Variants in KMT2E observed in about 807,000 individuals in gnomAD.
KMT2E encodes lysine methyltransferase 2E (inactive), also known as histone reader KMT2E.
KMT2E carries 30 observed loss-of-function variants against 184.6 expected under a neutral mutation model. That is an observed-to-expected ratio of 0.16 (90% CI 0.12 to 0.22). KMT2E has a LOEUF of 0.22. Ranked by LOEUF, KMT2E falls within the 10% of genes least tolerant of loss-of-function variation. The pLI is 1.00. For synonymous variants in KMT2E, 815 were observed against 776.5 expected, an observed-to-expected ratio of 1.05 and a Z score of -0.82; for missense variants, 2,023 against 2,237.4, an observed-to-expected ratio of 0.90 and a Z score of 1.93.
intron 3 of KMT2E, among the ~76,000 whole-genome samples, chr7:105,047,157 A>G (rs1796141348): frequency 6.6e-6 from 1 of 152,130 alleles, no homozygotes; most frequent in Non-Finnish European, 1.5e-5. Context: ...AAGGAAGCTC[A>G]TTAGAGACTG....
intron 1 of KMT2E, among the ~76,000 whole-genome samples, chr7:105,022,675 C>T (rs1229612770): frequency 1.3e-5 from 2 of 152,004 alleles, no homozygotes; most frequent in African/African-American, 4.8e-5. Flanking sequence ...TGATTCTTGC[C>T]TAAATAAAGT....
intron 6 of KMT2E, among the ~76,000 whole-genome samples, chr7:105,067,452 C>G (rs775825838): frequency 6.6e-6 from 1 of 151,852 alleles, no homozygotes; most frequent in Non-Finnish European, 1.5e-5. Flanking sequence ...TTCAAACTTA[C>G]GTAAAAATAA....
At chr7:105,038,762 G>A (rs976877176) in intron 2 of KMT2E, among the ~76,000 whole-genome samples, 1 of 152,098 alleles carries the variant, frequency 6.6e-6, no homozygotes, top group East Asian at 1.9e-4. Context: ...TGACCCTAAC[G>A]AATTCATCAT....
intron 6 of KMT2E, among the ~76,000 whole-genome samples, chr7:105,072,211 G>T (rs1584759220): frequency 6.6e-6 from 1 of 152,056 alleles, no homozygotes; most frequent in African/African-American, 2.4e-5. Flanking sequence ...CCAGCTACTT[G>T]GGAGGCTTAG....
At chr7:105,063,765 GT>G in intron 5 of KMT2E, 185 bp downstream of exon 5, 2 of 562,402 alleles carry the variant, frequency 3.6e-6, no homozygotes, top group Non-Finnish European at 6.2e-6. Flanking sequence ...AGAAATCCCT[GT>G]TGTTAACTGA....
intron 22 of KMT2E, 69 bp downstream of exon 22, chr7:105,107,994 A>G: frequency 4.7e-6 from 5 of 1,069,654 alleles, no homozygotes; most frequent in African/African-American, 1.6e-5. Context: ...TACTGAGGGG[A>G]ATTGTTAGAT....
chr7:105,062,686 ATATAT>A (rs1278869858), intron 4 of KMT2E, among the ~76,000 whole-genome samples: 1 of 151,896 alleles, frequency 6.6e-6, no homozygotes, highest in Non-Finnish European at 1.5e-5. Context: ...TGTGTCAGAC[ATATAT>A]TATTTAATCA....
intron 3 of KMT2E, among the ~76,000 whole-genome samples, chr7:105,047,466 A>G (rs1178643921): frequency 1.3e-5 from 2 of 152,228 alleles, no homozygotes; most frequent in African/African-American, 4.8e-5. Context: ...AACTATATGA[A>G]TGCCATTTTT....
At chr7:105,073,826 G>T in intron 7 of KMT2E, 149 bp downstream of exon 7, 2 of 493,834 alleles carry the variant, frequency 4.0e-6, no homozygotes, top group Non-Finnish European at 3.7e-6. Flanking sequence ...TGCAATCTCT[G>T]GTATAGATTT....
At chr7:105,044,213 G>A (rs1006526124) in intron 3 of KMT2E, among the ~76,000 whole-genome samples, 2 of 152,152 alleles carry the variant, frequency 1.3e-5, no homozygotes, top group Non-Finnish European at 2.9e-5. Flanking sequence ...CCAGAATTTA[G>A]GCTTTGGGTA....
At chr7:105,084,678 G>A (rs1416799141) in intron 13 of KMT2E, among the ~76,000 whole-genome samples, 1 of 151,466 alleles carries the variant, frequency 6.6e-6, no homozygotes, top group African/African-American at 2.4e-5. Context: ...AAGAATTCAT[G>A]AGAACCACAA....
At chr7:105,047,794 T>C (rs1353286348) in intron 3 of KMT2E, among the ~76,000 whole-genome samples, 1 of 152,214 alleles carries the variant, frequency 6.6e-6, no homozygotes, top group Non-Finnish European at 1.5e-5. Context: ...TGGCTGAATT[T>C]ATGACTACCT....
chr7:105,039,113 T>C (rs1795782718), intron 2 of KMT2E: 1 of 152,236 alleles, frequency 6.6e-6, no homozygotes. Context: ...AGCTGCAGTT[T>C]CATCTCAAGT....
At chr7:105,070,990 T>C (rs1164023222) in intron 6 of KMT2E, among the ~76,000 whole-genome samples, 1 of 152,170 alleles carries the variant, frequency 6.6e-6, no homozygotes, top group East Asian at 1.9e-4. Flanking sequence ...GGTAGACAAA[T>C]ATATAAAGCA....
intron 3 of KMT2E, among the ~76,000 whole-genome samples, chr7:105,054,450 G>GTCTGTCTA (rs545138951): frequency 0.02 from 1,327 of 66,762 alleles, 22 homozygotes; most frequent in African/African-American, 0.059. Context: ...AAGTTGCTCT[G>GTCTGTCTA]TCTGTCTGTC....
intron 3 of KMT2E, among the ~76,000 whole-genome samples, chr7:105,047,271 T>C (rs975790499): frequency 7.2e-5 from 11 of 152,260 alleles, no homozygotes; most frequent in African/African-American, 9.6e-5. Context: ...ATAAACCATA[T>C]TGTTTGTATA....
At chr7:105,059,933 A>G (rs1166777977) in intron 3 of KMT2E, among the ~76,000 whole-genome samples, 1 of 145,950 alleles carries the variant, frequency 6.9e-6, no homozygotes, top group Non-Finnish European at 1.5e-5. Flanking sequence ...ATAATTCTTA[A>G]TGTAACAGCA....
chr7:105,109,212 G>T lies in KMT2E; in HGVS notation c.3739G>T (p.Glu1247Ter). 6.2e-7 allele frequency: 1 copy of T among 1,613,744 alleles called. No individual in the cohort carries two copies. The highest frequency in any genetic ancestry group is 1.1e-5 in the South Asian group (1 of 91,002). Residue 1247 changes from glutamate (E) to a stop codon, truncating the protein, a stop_gained, in exon 23 of 27, where the codon GAA becomes TAA. Coordinates refer to ENST00000311117, the MANE Select transcript of KMT2E (RefSeq NM_182931.3). LOFTEE classifies it high-confidence loss of function. ...VKDATASEKN[E>*]PEVQWTASTS... ...GGATGCTACTGCTAGTGAGAAGAAT[G>T]AACCAGAAGTTCAATGGTAAGCCCA...
chr7:105,034,446 G>A (rs1488947721), intron 1 of KMT2E, among the ~76,000 whole-genome samples: 1 of 152,102 alleles, frequency 6.6e-6, no homozygotes, highest in Non-Finnish European at 1.5e-5. Context: ...AGCCCAGGCT[G>A]TTCTGAAACT....
Sources: gnomAD v4.1 joint callset for allele counts (sites outside exome capture counted in the v4.1 genomes callset) on GRCh38, gnomAD v4.1.1 for gene constraint, MANE v1.5 for transcripts, NCBI Gene and HGNC (gene_info 2026-07-23, HGNC 2026-07-21) for gene names.